Variants in GBP3 observed in about 807,000 individuals in gnomAD.
GBP3 encodes guanylate binding protein 3, also known as guanylate-binding protein 3.
A neutral mutation model predicts 62.4 loss-of-function variants in GBP3; 55 were observed. The observed-to-expected ratio is 0.88, with a 90% CI of 0.71 to 1.10. GBP3 has a LOEUF of 1.10. Among genes scored for constraint, GBP3 ranks in the 50% least tolerant of loss-of-function variants. GBP3 has a pLI of 0.00. For missense variants in GBP3, 605 were observed against 690.6 expected (o/e 0.88, Z 1.39); for synonymous variants, 208 against 259.2 (o/e 0.80, Z 1.90).
chr1:89,017,563 A>T (rs1215570481), intron 2 of GBP3, among the ~76,000 whole-genome samples: 1 of 152,226 alleles, frequency 6.6e-6, no homozygotes, highest in Non-Finnish European at 1.5e-5. Flanking sequence ...CATTTGCTAA[A>T]CGTGTATCTG....
rs1443207909 is a variant in GBP3 at position 89,011,446 on chromosome 1, C to G, written c.1149+301G>C. Among the ~76,000 whole-genome samples, 2 of 139,356 alleles carry G rather than the reference C, an allele frequency of 1.4e-5. 1 individual carries two copies. The highest frequency in any genetic ancestry group is 3.3e-5 in the Non-Finnish European group (2 of 60,446). The allele number at this position is 139,356 out of a possible 152,430, so 91.4% of individuals were successfully genotyped here. On this transcript the variant is annotated intron_variant, in intron 7 of 10. Transcript: ENST00000370481. Reference sequence around the variant, plus strand: ...ATAACTAAGATGAAAATTTTCTTTGCATTTGGCTAGAATATCAAATCAGTC... The same window carrying G: ...ATAACTAAGATGAAAATTTTCTTTGGATTTGGCTAGAATATCAAATCAGTC...
At chr1:89,015,163 T>C (rs1470903697) in intron 3 of GBP3, 124 bp downstream of exon 3, 2 of 990,664 alleles carry the variant, frequency 2.0e-6, no homozygotes, top group East Asian at 2.6e-5. Context: ...CCTTATGACA[T>C]GTACACAGAA....
rs140118804 is a variant in GBP3, at chr1:89,019,321, G to A, written c.190+1211C>T. On this transcript the variant is annotated intron_variant, in intron 2 of 10. Transcript: ENST00000370481. Reference sequence around the variant, plus strand: ...TTATTTATTTTTGAGATGGAGTTTCGCTCTATGCCCAGGCTGGAGTGCAAA... The same window carrying A: ...TTATTTATTTTTGAGATGGAGTTTCACTCTATGCCCAGGCTGGAGTGCAAA... Among the ~76,000 whole-genome samples, 444 of 152,276 alleles carry A rather than the reference G, an allele frequency of 2.9e-3. 3 individuals are homozygous for A. The highest frequency in any genetic ancestry group is 1.0e-2 in the African/African-American group (415 of 41,550).
At chr1:89,022,310 A>G (rs1429821923) in intron 1 of GBP3, among the ~76,000 whole-genome samples, 2 of 152,186 alleles carry the variant, frequency 1.3e-5, no homozygotes, top group Non-Finnish European at 2.9e-5. Flanking sequence ...TTAGCTGCAT[A>G]GGAGCAGGAT....
chr1:89,009,004 C>G lies in GBP3; in HGVS notation c.1602G>C (p.Glu534Asp), dbSNP rs148387405. The G allele has an allele frequency of 5.0e-6, 8 of 1,614,124 alleles. No homozygotes were observed. In the African/African-American group the frequency reaches 1.1e-4, roughly 22 times the overall value. ...EHVKQLTEKM[E>D]RERAQLLEEQ... ...CTTCCAGCAACTGGGCCCTCTCCCT[C>G]TCCATCTTCTCAGTCAATTGTTTCA... Residue 534 changes from glutamate (E) to aspartate (D), a missense_variant, in exon 10 of 11, where the codon GAG becomes GAC. This residue lies in a region of GBP3 where 160 missense variants were observed against 147.8 expected (regional missense o/e 1.08). Coordinates refer to ENST00000370481, the MANE Select transcript of GBP3 (RefSeq NM_018284.3).
chr1:89,017,605 A>T (rs1341305137), intron 2 of GBP3, among the ~76,000 whole-genome samples: 3 of 152,256 alleles, frequency 2.0e-5, no homozygotes, highest in Admixed American at 6.5e-5. Context: ...AATATAAAGA[A>T]TTCCTACAAT....
Position 89,010,901 on chromosome 1 carries a change from T to C in GBP3, c.1362+3A>G. The C allele has an allele frequency of 6.8e-7, 1 of 1,461,956 alleles. No individual in the cohort carries two copies. Among genetic ancestry groups the C allele is most frequent in the South Asian group, 1.2e-5 (1 of 84,706 alleles). 90.6% of individuals were successfully genotyped at this position (1,461,956 alleles called of 1,614,324 possible). A position where few individuals can be genotyped will look rare whatever the true frequency, so the allele number is the denominator to read the frequency against. ...CCATAATCGACAGATGAATCTTGGTTACCTGTATCCCCTTCCTTGGTTCCT... is the reference window on the plus strand; with the variant it reads ...CCATAATCGACAGATGAATCTTGGTCACCTGTATCCCCTTCCTTGGTTCCT... On this transcript the variant is annotated splice_donor_region_variant and intron_variant, in intron 8 of 10. Coordinates refer to ENST00000370481, the MANE Select transcript of GBP3 (RefSeq NM_018284.3).
intron 8 of GBP3, 143 bp downstream of exon 8, chr1:89,010,757 TCTCC>T (rs5776011): frequency 0.22 from 246,505 of 1,114,600 alleles, 62,814 homozygotes; most frequent in African/African-American, 0.51. Context: ...GATATAACAG[TCTCC>T]CTCCCTGCAT....
At chr1:89,013,804 A>G (rs1389069927) in intron 5 of GBP3, 3 of 434,292 alleles carry the variant, frequency 6.9e-6, no homozygotes, top group African/African-American at 4.0e-5. Context: ...CCTAAATTGT[A>G]AAATAGGAAA....
chr1:89,014,530 G>C lies in GBP3; in HGVS notation c.428+17C>G. 6.2e-7 allele frequency: 1 copy of C among 1,613,990 alleles called. No individual in the cohort carries two copies. The highest frequency in any genetic ancestry group is 8.5e-7 in the Non-Finnish European group (1 of 1,179,950). On this transcript the variant is annotated intron_variant, in intron 4 of 10. Transcript: ENST00000370481. ...TCCCCTCTGACCTTGGTGCTGTTCT[G>C]GGTCACAAAAGGATACTACAGTTGG...
At chr1:89,016,880 T>A (rs1678916665) in intron 2 of GBP3, among the ~76,000 whole-genome samples, 1 of 152,156 alleles carries the variant, frequency 6.6e-6, no homozygotes, top group Admixed American at 6.5e-5. Context: ...TGGCCAAACA[T>A]TCTTAAAAGA....
Position 89,007,716 on chromosome 1 carries a change from T to C in GBP3, c.*8A>G, listed in dbSNP as rs1437775770. On this transcript the variant is annotated 3_prime_UTR_variant, in exon 11 of 11. Transcript: ENST00000370481. ...CCTTGGGTTAGGATGACAGAAAAGC[T>C]CTGTTGTTTAGATCTTTAGCTTATG... The C allele has an allele frequency of 6.2e-7, 1 of 1,606,996 alleles. No homozygotes were observed. Among genetic ancestry groups the C allele is most frequent in the Admixed American group, 1.7e-5 (1 of 58,824 alleles).
chr1:89,009,090 C>A lies in GBP3; in HGVS notation c.1516G>T (p.Glu506Ter). ...ATCTGCTGATACTTTATTTGCATTTCCTCCACCATTTTTGCTGAAGCCTGT... is the reference window on the plus strand; with the variant it reads ...ATCTGCTGATACTTTATTTGCATTTACTCCACCATTTTTGCTGAAGCCTGT... ...SAQASAKMVEEMQIKYQQMME... is the reference protein window; with the variant it reads ...SAQASAKMVE Residue 506 changes from glutamate (E) to a stop codon, truncating the protein, a stop_gained, in exon 10 of 11, where the codon GAA (glutamate) becomes TAA (stop). Coordinates refer to ENST00000370481, the MANE Select transcript of GBP3 (RefSeq NM_018284.3). LOFTEE classifies it high-confidence loss of function. 1 of 1,614,126 alleles carries A rather than the reference C, an allele frequency of 6.2e-7. No individual in the cohort carries two copies. The highest frequency in any genetic ancestry group is 1.1e-5 in the South Asian group (1 of 91,082).
chr1:89,014,784 C>A (rs1678794268), intron 3 of GBP3, 128 bp from the exon 4 acceptor site: 1 of 1,097,722 alleles, frequency 9.1e-7, no homozygotes, highest in Non-Finnish European at 1.3e-6. Flanking sequence ...GAAAAGAACC[C>A]AAATCCAAAC....
rs1452276419 is a variant in GBP3 at position 89,007,761 on chromosome 1, T to G, written c.1751A>C (p.Lys584Thr). The G allele has an allele frequency of 6.2e-7, 1 of 1,613,530 alleles. No homozygotes were observed. Among genetic ancestry groups the G allele is most frequent in the South Asian group, 1.1e-5 (1 of 90,958 alleles). ...IQKLQKTLKK[K>T]TKRYMSHKLK... ...CTTATGCGACATATATCTCTTGGTTTTTTTTTTCAGGGTCTTCTGTAGCTT... is the reference window on the plus strand; with the variant it reads ...CTTATGCGACATATATCTCTTGGTTGTTTTTTTCAGGGTCTTCTGTAGCTT... The change falls in exon 11 of 11, where the codon AAA becomes ACA. Residue 584 changes from lysine to threonine, a missense_variant. Lys to Thr is a moderately conservative substitution (Grantham distance 78). Coordinates refer to ENST00000370481, the MANE Select transcript of GBP3 (RefSeq NM_018284.3).
chr1:89,009,257 CAAGT>C, intron 9 of GBP3, 117 bp from the exon 10 acceptor site: 2 of 1,363,036 alleles, frequency 1.5e-6, no homozygotes, highest in Admixed American at 4.2e-5. Flanking sequence ...ATGACCTCAA[CAAGT>C]AAGACATGTC....
Position 89,011,207 on chromosome 1 carries a change from A to C in GBP3, c.1150-91T>G. 6.4e-6 allele frequency: 9 copies of C among 1,396,440 alleles called. 3 individuals carry two copies. Among genetic ancestry groups the C allele is most frequent in the Non-Finnish European group, 9.0e-6 (9 of 1,004,372 alleles). 86.5% of individuals were successfully genotyped at this position (1,396,440 alleles called of 1,614,324 possible). ...TTGGGAAAGACTTCCGAAAATAAAC[A>C]GTCAATGATGCCGGAGAAACTGACA... On this transcript the variant is annotated intron_variant, in intron 7 of 10. Transcript: ENST00000370481.
chr1:89,015,517 C>A, intron 2 of GBP3, 103 bp from the exon 3 acceptor site: 1 of 1,064,848 alleles, frequency 9.4e-7, no homozygotes, highest in South Asian at 1.9e-5. Flanking sequence ...GAGAGATAAC[C>A]AAAACCACAA....
Position 89,011,748 on chromosome 1 carries a change from G to C in GBP3, c.1148C>G (p.Ala383Gly), listed in dbSNP as rs201888444. ...ATGTAAATGTGATAGAAAAATTACC[G>C]CTAATTTCTTTTGAAACAGATGGTC... ...DVDHLFQKKL[A>G]AQLDKKRDDF... Residue 383 changes from alanine to glycine, a missense_variant and splice_region_variant, in exon 7 of 11, where the codon GCG becomes GGG. Ala to Gly is a moderately conservative substitution (Grantham distance 60). This residue lies in a region of GBP3 where 137 missense variants were observed against 224.7 expected (regional missense o/e 0.61). Transcript: ENST00000370481. The C allele has an allele frequency of 3.6e-5, 53 of 1,461,450 alleles. 8 individuals carry two copies. Among genetic ancestry groups the C allele is most frequent in the Non-Finnish European group, 1.9e-6 (2 of 1,054,778 alleles). 90.5% of individuals were successfully genotyped at this position (1,461,450 alleles called of 1,614,324 possible).
Sources: allele counts gnomAD v4.1 joint callset (sites outside exome capture counted in the v4.1 genomes callset), GRCh38; gene constraint gnomAD v4.1.1; regional missense constraint gnomAD v4.1.1; transcripts MANE v1.5; gene names NCBI Gene and HGNC (gene_info 2026-07-23, HGNC 2026-07-21).